Variants in GRM3 observed in about 807,000 individuals in gnomAD.
The protein encoded by GRM3 is glutamate metabotropic receptor 3.
Under a neutral mutation model 70.5 loss-of-function variants are expected in GRM3, and 26 were observed. That is an observed-to-expected ratio of 0.37 (90% CI 0.27 to 0.51). The LOEUF is 0.51. GRM3 is among the 20% of genes least tolerant of loss of function. The probability of loss-of-function intolerance (pLI) is 0.93; values close to 1 mark genes in which losing one functional copy is unlikely to be tolerated. For missense variants in GRM3, 859 were observed against 1,123.8 expected (o/e 0.76, Z 3.37); for synonymous variants, 443 against 434.9 (o/e 1.02, Z -0.23).
At chr7:86,788,161 A>G (rs1434794713) in intron 3 of GRM3, among the ~76,000 whole-genome samples, 2 of 152,216 alleles carry the variant, frequency 1.3e-5, no homozygotes, top group African/African-American at 4.8e-5. Context: ...CTGCTTCCAC[A>G]GAAGTATCAT....
chr7:86,809,863 C>T (rs1405124049), intron 3 of GRM3, among the ~76,000 whole-genome samples: 1 of 151,958 alleles, frequency 6.6e-6, no homozygotes, highest in East Asian at 1.9e-4. Flanking sequence ...AGAAAAAATT[C>T]TTTCACATAC....
At chr7:86,844,927 T>A (rs1361345739) in intron 4 of GRM3, among the ~76,000 whole-genome samples, 1 of 152,086 alleles carries the variant, frequency 6.6e-6, no homozygotes, top group Non-Finnish European at 1.5e-5. Context: ...TTCGCTCTTG[T>A]CACCCAGGCT....
chr7:86,746,335 C>G (rs1166260202), intron 1 of GRM3, among the ~76,000 whole-genome samples: 4 of 56,284 alleles, frequency 7.1e-5, no homozygotes, highest in Admixed American at 2.0e-4. Flanking sequence ...GAGGGTCAGT[C>G]ATGTATTATA....
At chr7:86,747,066 A>T (rs1796120126) in intron 1 of GRM3, among the ~76,000 whole-genome samples, 1 of 152,222 alleles carries the variant, frequency 6.6e-6, no homozygotes, top group Non-Finnish European at 1.5e-5. Flanking sequence ...AAGCACTCAT[A>T]GGAGTTGGAA....
chr7:86,859,750 A>G (rs1039105113), intron 5 of GRM3, among the ~76,000 whole-genome samples: 13 of 152,328 alleles, frequency 8.5e-5, no homozygotes, highest in African/African-American at 2.2e-4. Context: ...ATAAAAATCT[A>G]TTAAATAAAT....
intron 1 of GRM3, among the ~76,000 whole-genome samples, chr7:86,646,005 G>GGTT (rs1793458167): frequency 3.1e-4 from 13 of 42,408 alleles, no homozygotes; most frequent in African/African-American, 1.1e-3. Context: ...GGGTGGGGGG[G>GGTT]TGGGGGGGGG....
chr7:86,652,749 C>G (rs1398643430), intron 1 of GRM3, among the ~76,000 whole-genome samples: 4 of 152,162 alleles, frequency 2.6e-5, no homozygotes, highest in Non-Finnish European at 5.9e-5. Flanking sequence ...TTATACTCCC[C>G]CATGTATTGA....
At chr7:86,691,681 T>C (rs1348726125) in intron 1 of GRM3, among the ~76,000 whole-genome samples, 1 of 151,996 alleles carries the variant, frequency 6.6e-6, no homozygotes, top group Non-Finnish European at 1.5e-5. Context: ...ACCATGGGAG[T>C]AGATTTGTTA....
chr7:86,719,360 T>G (rs1584191270), intron 1 of GRM3, among the ~76,000 whole-genome samples: 1 of 152,108 alleles, frequency 6.6e-6, no homozygotes, highest in East Asian at 1.9e-4. Context: ...TTAGCAAAAT[T>G]TTGATCATCT....
chr7:86,644,483 A>G lies in GRM3; in HGVS notation c.-530A>G. ...TGCCTGATAAGAGAAGGAGGAGGGG[A>G]CTCGGCTGGGAAGAGCTCCCCTCCC... On this transcript the variant is annotated 5_prime_UTR_variant, in exon 1 of 6. Coordinates refer to ENST00000361669, the MANE Select transcript of GRM3 (RefSeq NM_000840.3). 2.8e-6 allele frequency: 1 copy of G among 351,162 alleles called. No individual in the cohort carries two copies. Among genetic ancestry groups the G allele is most frequent in the African/African-American group, 2.2e-5 (1 of 46,332 alleles). The allele number at this position is 351,162 out of a possible 1,614,324, so 21.8% of individuals were successfully genotyped here.
At chr7:86,820,610 C>T (rs1247550740) in intron 3 of GRM3, among the ~76,000 whole-genome samples, 1 of 152,048 alleles carries the variant, frequency 6.6e-6, no homozygotes, top group Non-Finnish European at 1.5e-5. Flanking sequence ...TGTATTATAT[C>T]TTTATAAAAA....
At chr7:86,764,900 T>C in intron 1 of GRM3, 106 bp from the exon 2 acceptor site, 1 of 643,034 alleles carries the variant, frequency 1.6e-6, no homozygotes, top group Non-Finnish European at 2.4e-6. Flanking sequence ...GTGTGTTTAG[T>C]AAATGGTTTT....
chr7:86,657,617 G>T (rs1379153193), intron 1 of GRM3, among the ~76,000 whole-genome samples: 1 of 152,130 alleles, frequency 6.6e-6, no homozygotes, highest in Non-Finnish European at 1.5e-5. Flanking sequence ...TGTAGGCAGA[G>T]GAAAATCTCT....
At chr7:86,778,129 C>T (rs1485430643) in intron 2 of GRM3, among the ~76,000 whole-genome samples, 1 of 152,106 alleles carries the variant, frequency 6.6e-6, no homozygotes, top group Non-Finnish European at 1.5e-5. Context: ...AGAGAATAAA[C>T]ATGAAGGTTA....
chr7:86,834,423 T>C (rs561869485), intron 3 of GRM3, among the ~76,000 whole-genome samples: 1 of 152,184 alleles, frequency 6.6e-6, no homozygotes, highest in African/African-American at 2.4e-5. Flanking sequence ...ATGTTAATTC[T>C]ATTTCTGCTA....
At chr7:86,810,426 T>C (rs1797886416) in intron 3 of GRM3, among the ~76,000 whole-genome samples, 1 of 152,000 alleles carries the variant, frequency 6.6e-6, no homozygotes, top group African/African-American at 2.4e-5. Context: ...AAAAAAAATG[T>C]TGATATACCT....
intron 3 of GRM3, among the ~76,000 whole-genome samples, chr7:86,798,064 GGGTGTCCAGGGAGA>G (rs769929674): frequency 2.0e-5 from 3 of 152,230 alleles, no homozygotes; most frequent in Non-Finnish European, 4.4e-5. Flanking sequence ...GGAAACACCT[GGGTGTCCAGGGAGA>G]GGTGTGCTGC....
chr7:86,771,259 A>G (rs1796732675), intron 2 of GRM3, among the ~76,000 whole-genome samples: 1 of 152,132 alleles, frequency 6.6e-6, no homozygotes, highest in South Asian at 2.1e-4. Context: ...ATTATATGTC[A>G]CTTTATGAAA....
intron 5 of GRM3, among the ~76,000 whole-genome samples, chr7:86,856,286 A>T (rs1798843602): frequency 6.6e-6 from 1 of 152,194 alleles, no homozygotes; most frequent in African/African-American, 2.4e-5. Flanking sequence ...TCTACTAAAA[A>T]AATACAAAAA....
Sources: allele counts gnomAD v4.1 joint callset (sites outside exome capture counted in the v4.1 genomes callset), GRCh38; gene constraint gnomAD v4.1.1; transcripts MANE v1.5; gene names NCBI Gene and HGNC (gene_info 2026-07-23, HGNC 2026-07-21).